The following SHC4 variants were observed in gnomAD, a reference collection of about 807,000 sequenced individuals.
SHC4 encodes the protein SHC adaptor protein 4, also known as SHC-transforming protein 4.
SHC4 carries 41 observed loss-of-function variants against 69.4 expected under a neutral mutation model. The ratio of observed to expected loss-of-function variants is 0.59; its 90% CI spans 0.46 to 0.77. SHC4 has a LOEUF of 0.77. Among genes scored for constraint, SHC4 ranks in the 30% least tolerant of loss-of-function variants. The pLI is 0.00. For missense variants in SHC4, 777 were observed against 783.8 expected (o/e 0.99, Z 0.10); for synonymous variants, 318 against 299.3 (o/e 1.06, Z -0.64).
chr15:48,897,904 C>G (rs1900253332), intron 2 of SHC4, among the ~76,000 whole-genome samples: 1 of 152,278 alleles, frequency 6.6e-6, no homozygotes, highest in East Asian at 1.9e-4. Flanking sequence ...CGATACTCAG[C>G]CAAAACAAAT....
At chr15:48,862,719 G>A (rs1012598055) in intron 6 of SHC4, among the ~76,000 whole-genome samples, 21 of 152,148 alleles carry the variant, frequency 1.4e-4, no homozygotes, top group African/African-American at 4.3e-4. Context: ...ATTGCTGGGC[G>A]AAATAGCATC....
chr15:48,861,793 A>T (rs1899448877), intron 6 of SHC4, among the ~76,000 whole-genome samples: 1 of 152,184 alleles, frequency 6.6e-6, no homozygotes, highest in South Asian at 2.1e-4. Context: ...TAAGATTCAA[A>T]AGAACCTGAG....
In SHC4 at chr15:48,856,131, AGG is replaced by A. The variant is rs1281489316; in HGVS notation, c.1071-9_1071-8del. 6 of 1,607,662 alleles carry A rather than the reference AGG, an allele frequency of 3.7e-6. No individual in the cohort carries two copies. Among genetic ancestry groups the A allele is most frequent in the Admixed American group, 3.4e-5 (2 of 59,158 alleles). On this transcript the variant is annotated splice_polypyrimidine_tract_variant and splice_region_variant and intron_variant, in intron 7 of 11. Transcript: ENST00000332408. Reference sequence around the variant, plus strand: ...ATCAATATGCACCTCCTCACTGTGAAGGAAAAAAGAATCCTCAAGAGGCTGGG... The same window carrying A: ...ATCAATATGCACCTCCTCACTGTGAAAAAAAAGAATCCTCAAGAGGCTGGG...
At chr15:48,902,676 T>C (rs1458311915) in intron 2 of SHC4, among the ~76,000 whole-genome samples, 3 of 152,118 alleles carry the variant, frequency 2.0e-5, no homozygotes, top group Non-Finnish European at 4.4e-5. Flanking sequence ...ACGACCTGAC[T>C]GGTCAATATG....
intron 2 of SHC4, among the ~76,000 whole-genome samples, chr15:48,914,617 C>T (rs1259659169): frequency 8.5e-5 from 13 of 152,120 alleles, no homozygotes; most frequent in Admixed American, 6.6e-4. Context: ...AAACTTAAGC[C>T]CCGAAGCCTC....
intron 3 of SHC4, 55 bp from the exon 4 acceptor site, chr15:48,884,422 A>G (rs1899997883): frequency 6.8e-7 from 1 of 1,469,782 alleles, no homozygotes; most frequent in Non-Finnish European, 9.1e-7. Context: ...GTTACAGAAT[A>G]AATGTTAATG....
chr15:48,862,510 G>A (rs1899465864), intron 6 of SHC4, among the ~76,000 whole-genome samples: 1 of 152,166 alleles, frequency 6.6e-6, no homozygotes, highest in Non-Finnish European at 1.5e-5. Context: ...GAACTGCCCT[G>A]ATTTAAATGC....
rs1371150868 is a variant in SHC4, at chr15:48,962,515, G to A, written c.501C>T (p.Gly167=). 1.9e-6 allele frequency: 3 copies of A among 1,582,466 alleles called. No individual in the cohort carries two copies. The African/African-American group carries it at 4.1e-5, about 21-fold the overall frequency. The change falls in exon 1 of 12, where the codon GGC becomes GGT. Residue 167 remains glycine (G), a synonymous_variant. Transcript: ENST00000332408. ...TGCTCCTAAGTGTTGGCTCCCCAGG[G>A]CCAGGAAGCGGGCACGAATCAGGGG... is the stretch of plus-strand genomic sequence containing the variant. ...ALTPDSCPLP[G]PGEPTLRSRQ...
At chr15:48,935,106 A>T (rs1323323009) in intron 1 of SHC4, among the ~76,000 whole-genome samples, 1 of 152,230 alleles carries the variant, frequency 6.6e-6, no homozygotes, top group East Asian at 1.9e-4. Context: ...TCAATTACCA[A>T]GAAGCAACAA....
chr15:48,875,678 G>C (rs904565993), intron 4 of SHC4, among the ~76,000 whole-genome samples: 3 of 152,196 alleles, frequency 2.0e-5, no homozygotes, highest in Non-Finnish European at 2.9e-5. Flanking sequence ...AACTATTCAA[G>C]TCTTTGAATG....
chr15:48,868,789 T>A (rs903246887), intron 5 of SHC4, among the ~76,000 whole-genome samples: 2 of 152,242 alleles, frequency 1.3e-5, no homozygotes, highest in Admixed American at 1.3e-4. Flanking sequence ...ATAACTCGTC[T>A]TGGGCAATTA....
chr15:48,865,350 T>C (rs190890712), intron 6 of SHC4, among the ~76,000 whole-genome samples: 9 of 152,298 alleles, frequency 5.9e-5, no homozygotes, highest in Admixed American at 4.6e-4. Context: ...AGCCAAGCTA[T>C]ATGAGAAAGA....
intron 9 of SHC4, among the ~76,000 whole-genome samples, chr15:48,846,150 T>TACC (rs1015761564): frequency 6.6e-6 from 1 of 152,130 alleles, no homozygotes; most frequent in African/African-American, 2.4e-5. Context: ...AGGTGTGAGC[T>TACC]ACCGGGCCTG....
intron 11 of SHC4, among the ~76,000 whole-genome samples, chr15:48,833,113 T>G (rs1156908133): frequency 6.6e-6 from 1 of 152,214 alleles, no homozygotes; most frequent in Non-Finnish European, 1.5e-5. Flanking sequence ...AACTTTGTGT[T>G]GGGATCTATG....
At chr15:48,889,931 T>C (rs1044836250) in intron 3 of SHC4, among the ~76,000 whole-genome samples, 2 of 152,250 alleles carry the variant, frequency 1.3e-5, no homozygotes, top group African/African-American at 4.8e-5. Flanking sequence ...TCAAGAGCTT[T>C]TGCATTGGCC....
chr15:48,913,570 T>C (rs1280506915), intron 2 of SHC4, among the ~76,000 whole-genome samples: 1 of 152,172 alleles, frequency 6.6e-6, no homozygotes, highest in Non-Finnish European at 1.5e-5. Flanking sequence ...TCCCTACATG[T>C]GGAGTCTGAG....
intron 6 of SHC4, among the ~76,000 whole-genome samples, chr15:48,858,077 T>C (rs1595734406): frequency 1.3e-5 from 2 of 152,192 alleles, no homozygotes; most frequent in East Asian, 3.8e-4. Context: ...GGCCACATTT[T>C]TACAAAAGCA....
intron 10 of SHC4, among the ~76,000 whole-genome samples, chr15:48,841,806 C>T (rs1898993608): frequency 6.6e-6 from 1 of 152,160 alleles, no homozygotes; most frequent in African/African-American, 2.4e-5. Flanking sequence ...AATAGGGTGT[C>T]AGGAGTGATC....
At chr15:48,908,935 G>C (rs1266507666) in intron 2 of SHC4, among the ~76,000 whole-genome samples, 1 of 152,198 alleles carries the variant, frequency 6.6e-6, no homozygotes, top group Non-Finnish European at 1.5e-5. Context: ...GTACCACACT[G>C]TTTTGGTGAC....
Sources: allele counts gnomAD v4.1 joint callset (sites outside exome capture counted in the v4.1 genomes callset), GRCh38; gene constraint gnomAD v4.1.1; transcripts MANE v1.5; gene names NCBI Gene and HGNC (gene_info 2026-07-23, HGNC 2026-07-21).